MTFR1: variants seen among roughly 807,000 people sequenced by gnomAD.
MTFR1 encodes the protein mitochondrial fission regulator 1, also known as chondrocyte protein with a poly-proline region.
In MTFR1, 28 loss-of-function variants were observed where a neutral mutation model predicts 38.8. The observed-to-expected ratio is 0.72, with a 90% CI of 0.53 to 0.99. MTFR1 has a LOEUF of 0.99. Ranked by LOEUF, MTFR1 falls within the 50% of genes least tolerant of loss-of-function variation. MTFR1 has a pLI of 0.00. For missense variants in MTFR1, 358 were observed against 395.5 expected (o/e 0.91, Z 0.81); for synonymous variants, 145 against 137.0 (o/e 1.06, Z -0.41).
At chr8:65,748,544 T>C (rs927879316) in intron 3 of MTFR1, among the ~76,000 whole-genome samples, 7 of 152,202 alleles carry the variant, frequency 4.6e-5, no homozygotes, top group African/African-American at 1.4e-4. Flanking sequence ...GTAAAATCTG[T>C]CTTGCAGGGA....
At chr8:65,777,677 A>G in the MTFR1 span, among the ~76,000 whole-genome samples, 1 of 152,026 alleles carries the variant, frequency 6.6e-6, no homozygotes, top group East Asian at 1.9e-4. Flanking sequence ...TTAGTTTGAC[A>G]GTTTATTTTT....
Position 65,693,691 on chromosome 8 carries a change from T to A in MTFR1, c.213T>A (p.Asp71Glu). The change falls in exon 4 of 8, where the codon GAT becomes GAA. Residue 71 changes from aspartate to glutamate, a missense_variant. Coordinates refer to ENST00000262146, the MANE Select transcript of MTFR1 (RefSeq NM_014637.4). ...TEWSPSHPGE[D>E]AVASFADVGW... is the part of the protein sequence containing the mutation. ...GGAGTCCCAGCCACCCAGGAGAGGA[T>A]GCAGTGGCGTCTTTTGCTGATGTTG... 1 of 1,614,180 alleles carries A rather than the reference T, an allele frequency of 6.2e-7. No individual in the cohort carries two copies. The highest frequency in any genetic ancestry group is 8.5e-7 in the Non-Finnish European group (1 of 1,180,032).
rs1283625218 is a variant in MTFR1 at position 65,709,729 on chromosome 8, A to G, written c.*685A>G. 3.3e-5 allele frequency: 5 copies of G among 152,672 alleles called. No homozygotes were observed. Among genetic ancestry groups the G allele is most frequent in the African/African-American group, 1.2e-4 (5 of 41,476 alleles). 9.5% of individuals were successfully genotyped at this position (152,672 alleles called of 1,614,324 possible). ...AGCTGCTTTCACGTCATTGCCATCC[A>G]GTACTGACAGGGAAGAAAGATGTAG... On this transcript the variant is annotated 3_prime_UTR_variant, in exon 8 of 8. Transcript: ENST00000262146.
chr8:65,664,933 ATTTTT>A (rs374209617), intron 1 of MTFR1, among the ~76,000 whole-genome samples: 1 of 125,702 alleles, frequency 8.0e-6, no homozygotes, highest in Non-Finnish European at 1.6e-5. Flanking sequence ...TTAAAAAAAA[ATTTTT>A]TTTTTTTTTT....
Position 65,657,462 on chromosome 8 carries a change from G to A in MTFR1, c.-80-12411G>A, listed in dbSNP as rs184625745. On this transcript the variant is annotated intron_variant, in intron 1 of 7. Transcript: ENST00000262146. ...CACAGTGGCTCATGCCAATGTTTTGGGAGGCTGAGGCAGGAGTATTGCCTG... is the reference window on the plus strand; with the variant it reads ...CACAGTGGCTCATGCCAATGTTTTGAGAGGCTGAGGCAGGAGTATTGCCTG... Among the ~76,000 whole-genome samples, 9 of 152,210 alleles carry A rather than the reference G, an allele frequency of 5.9e-5. No homozygotes were observed. In the East Asian group the frequency reaches 1.7e-3, roughly 29 times the overall value.
chr8:65,711,938 G>GAC (rs1805958155), downstream of MTFR1, among the ~76,000 whole-genome samples: 1 of 152,160 alleles, frequency 6.6e-6, no homozygotes, highest in African/African-American at 2.4e-5. Flanking sequence ...TAAATGTTAA[G>GAC]ACAGCTCAAA....
At chr8:65,755,408 T>A (rs1045336879) in intron 3 of MTFR1, among the ~76,000 whole-genome samples, 1 of 152,224 alleles carries the variant, frequency 6.6e-6, no homozygotes, top group Admixed American at 6.5e-5. Context: ...GTTTTGTGTA[T>A]TTTTAAATTT....
At chr8:65,694,332 C>T (rs1297472620) in intron 4 of MTFR1, among the ~76,000 whole-genome samples, 9 of 152,078 alleles carry the variant, frequency 5.9e-5, no homozygotes, top group Non-Finnish European at 1.2e-4. Flanking sequence ...GCCTTGCCCT[C>T]CTAAAGTGCT....
At chr8:65,746,173 A>T (rs1807668468) in intron 3 of MTFR1, among the ~76,000 whole-genome samples, 1 of 150,646 alleles carries the variant, frequency 6.6e-6, no homozygotes, top group Non-Finnish European at 1.5e-5. Flanking sequence ...GACTCAAGTG[A>T]TTCTCCCACC....
chr8:65,701,763 GA>G (rs1218604456), intron 4 of MTFR1, among the ~76,000 whole-genome samples: 2 of 152,138 alleles, frequency 1.3e-5, no homozygotes, highest in African/African-American at 4.8e-5. Flanking sequence ...GAGTGTCAGG[GA>G]AGATCCCCAA....
Position 65,693,676 on chromosome 8 carries a change from C to A in MTFR1, c.198C>A (p.Ser66Arg), listed in dbSNP as rs371457193. Residue 66 changes from serine to arginine, a missense_variant, in exon 4 of 8, where the codon AGC becomes AGA. Coordinates refer to ENST00000262146, the MANE Select transcript of MTFR1 (RefSeq NM_014637.4). ...GCCATGCAACAGAATGGAGTCCCAG[C>A]CACCCAGGAGAGGATGCAGTGGCGT... ...INSHATEWSP[S>R]HPGEDAVASF... 5.6e-6 allele frequency: 9 copies of A among 1,613,970 alleles called. No individual in the cohort carries two copies. Among genetic ancestry groups the A allele is most frequent in the Non-Finnish European group, 7.6e-6 (9 of 1,180,006 alleles).
chr8:65,736,943 C>T (rs192707692), intron 3 of MTFR1, among the ~76,000 whole-genome samples: 2,891 of 149,204 alleles, frequency 0.019, 28 homozygotes, highest in African/African-American at 0.025. Flanking sequence ...AGTGCAGTAG[C>T]GTGATCTTGG....
At chr8:65,730,611 G>A (rs765675166) in intron 3 of MTFR1, among the ~76,000 whole-genome samples, 36 of 152,084 alleles carry the variant, frequency 2.4e-4, no homozygotes, top group Non-Finnish European at 1.5e-4. Context: ...AAAGGTTGGC[G>A]GCCACTGCTC....
At chr8:65,734,966 TATGAG>T in intron 3 of MTFR1, 1 of 954,588 alleles carries the variant, frequency 1.0e-6, no homozygotes, top group East Asian at 2.4e-5. Flanking sequence ...TTGTGATAAT[TATGAG>T]TTACCCACTC....
intron 3 of MTFR1, among the ~76,000 whole-genome samples, chr8:65,751,074 G>A (rs1284216605): frequency 6.6e-6 from 1 of 152,172 alleles, no homozygotes; most frequent in Non-Finnish European, 1.5e-5. Context: ...AGGACATGGA[G>A]CCTGTCTAGA....
downstream of MTFR1, among the ~76,000 whole-genome samples, chr8:65,713,483 CAA>C (rs1491444545): frequency 1.1e-4 from 15 of 137,532 alleles, no homozygotes; most frequent in East Asian, 1.2e-3. Context: ...CACACACACA[CAA>C]ACAAAACAAA....
chr8:65,755,002 CTGTT>C (rs988936305), intron 3 of MTFR1, among the ~76,000 whole-genome samples: 9 of 149,900 alleles, frequency 6.0e-5, no homozygotes, highest in Admixed American at 5.4e-4. Context: ...CCATCATTGC[CTGTT>C]TATTTTTTTT....
intron 2 of MTFR1, among the ~76,000 whole-genome samples, chr8:65,672,645 A>C (rs924926421): frequency 6.6e-6 from 1 of 151,984 alleles, no homozygotes; most frequent in Non-Finnish European, 1.5e-5. Context: ...CAAGTAGCTG[A>C]GATTACAGGT....
chr8:65,719,627 G>GT, intron 3 of MTFR1: 5 of 648,302 alleles, frequency 7.7e-6, no homozygotes, highest in Non-Finnish European at 1.4e-5. Context: ...AAAGATTCCT[G>GT]TGTATGTGTA....
Sources: gnomAD v4.1 joint callset for allele counts (sites outside exome capture counted in the v4.1 genomes callset) on GRCh38, gnomAD v4.1.1 for gene constraint, MANE v1.5 for transcripts, NCBI Gene and HGNC (gene_info 2026-07-23, HGNC 2026-07-21) for gene names.